The following MACROH2A1 variants were observed in gnomAD, a reference collection of about 807,000 sequenced individuals.
MACROH2A1 encodes the protein macroH2A.1 histone.
Under a neutral mutation model 31.6 loss-of-function variants are expected in MACROH2A1, and 2 were observed. The ratio of observed to expected loss-of-function variants is 0.06; its 90% CI spans 0.03 to 0.20. The LOEUF is 0.20. Among genes scored for constraint, MACROH2A1 ranks in the 10% least tolerant of loss-of-function variants. The probability of loss-of-function intolerance (pLI) is 1.00; values close to 1 mark genes in which losing one functional copy is unlikely to be tolerated. For synonymous variants in MACROH2A1, 169 were observed against 189.6 expected (o/e 0.89, Z 0.89); for missense variants, 230 against 474.0 (o/e 0.49, Z 4.78).
chr5:135,370,238 G>C, intron 2 of MACROH2A1, 96 bp from the exon 3 acceptor site: 5 of 714,414 alleles, frequency 7.0e-6, no homozygotes, highest in Non-Finnish European at 1.2e-5. Context: ...GGCAGAGGCA[G>C]CTGCTTCAGG....
intron 8 of MACROH2A1, among the ~76,000 whole-genome samples, chr5:135,342,613 T>G (rs1561574724): frequency 6.6e-6 from 1 of 152,182 alleles, no homozygotes. Context: ...GTGAAGACCT[T>G]GGTGAGTCTA....
chr5:135,345,610 G>A (rs1199523235), intron 7 of MACROH2A1: 2 of 194,830 alleles, frequency 1.0e-5, no homozygotes, highest in Admixed American at 5.6e-5. Flanking sequence ...ACACACAGAT[G>A]GCTGAAGATT....
intron 8 of MACROH2A1, 142 bp from the exon 9 acceptor site, chr5:135,335,283 C>T (rs748152303): frequency 5.8e-5 from 37 of 636,254 alleles, no homozygotes; most frequent in Middle Eastern, 4.0e-4. Flanking sequence ...TCTGCTTGTA[C>T]GCCAGTGTGG....
intron 5 of MACROH2A1, chr5:135,358,724 G>C (rs994811580): frequency 5.3e-6 from 5 of 936,442 alleles, no homozygotes; most frequent in Admixed American, 6.2e-5. Context: ...ATTTATTATA[G>C]AGTATCAATA....
intron 2 of MACROH2A1, among the ~76,000 whole-genome samples, chr5:135,377,366 A>G (rs1343022756): frequency 6.6e-6 from 1 of 152,248 alleles, no homozygotes; most frequent in African/African-American, 2.4e-5. Flanking sequence ...AACCACAGCC[A>G]TTTGTTCTTA....
intron 4 of MACROH2A1, among the ~76,000 whole-genome samples, chr5:135,366,796 T>G (rs1200049327): frequency 6.6e-6 from 1 of 152,182 alleles, no homozygotes. Context: ...TTATGTAATA[T>G]GCATACGGTT....
At chr5:135,339,335 G>A (rs191522927) in intron 8 of MACROH2A1, among the ~76,000 whole-genome samples, 10 of 152,278 alleles carry the variant, frequency 6.6e-5, no homozygotes, top group African/African-American at 1.9e-4. Context: ...GACACGCAGG[G>A]ACTCTAGGTG....
chr5:135,369,594 C>T lies in MACROH2A1; in HGVS notation c.289G>A (p.Gly97Arg). 1 of 1,613,232 alleles carries T rather than the reference C, an allele frequency of 6.2e-7. No homozygotes were observed. The highest frequency in any genetic ancestry group is 8.5e-7 in the Non-Finnish European group (1 of 1,179,420). ...ACACCCCCACTGGCTATGGTGACTCCTTTTAGCAGCTTTCAGGAAAACCAG... is the reference window on the plus strand; with the variant it reads ...ACACCCCCACTGGCTATGGTGACTCTTTTTAGCAGCTTTCAGGAAAACCAG... ...NDEELNQLLK[G>R]VTIASGGVLP... is the part of the protein sequence containing the mutation. Residue 97 changes from glycine (G) to arginine (R), a missense_variant, in exon 4 of 9, where the codon GGA (glycine) becomes AGA (arginine). Gly to Arg is a moderately radical substitution (Grantham distance 125). Coordinates refer to ENST00000511689, the MANE Select transcript of MACROH2A1 (RefSeq NM_138610.3). The surrounding 1 kb of genome is among the most constrained non-coding windows in gnomAD (Gnocchi z 4.3).
At chr5:135,363,579 T>C (rs571116245) in intron 4 of MACROH2A1, among the ~76,000 whole-genome samples, 1 of 152,358 alleles carries the variant, frequency 6.6e-6, no homozygotes, top group East Asian at 1.9e-4. Flanking sequence ...AGTCTATCAT[T>C]GATGGAAATT....
chr5:135,343,724 G>C (rs1760335865), intron 7 of MACROH2A1: 1 of 432,006 alleles, frequency 2.3e-6, no homozygotes, highest in East Asian at 4.4e-5. Context: ...CCCAGAGGCA[G>C]AGCCTTATCC....
intron 1 of MACROH2A1, among the ~76,000 whole-genome samples, chr5:135,396,522 C>G (rs1427998472): frequency 2.0e-5 from 3 of 152,134 alleles, no homozygotes; most frequent in Non-Finnish European, 4.4e-5. Context: ...GACCTCTGTT[C>G]TTTTCTTCTA....
intron 2 of MACROH2A1, among the ~76,000 whole-genome samples, chr5:135,377,504 G>C (rs887127039): frequency 6.6e-6 from 1 of 152,230 alleles, no homozygotes; most frequent in African/African-American, 2.4e-5. Context: ...TGGACTCAAA[G>C]CGAAAGAGCG....
chr5:135,343,427 G>A lies in MACROH2A1; in HGVS notation c.786C>T (p.Val262=), dbSNP rs1760256748. Residue 262 remains valine, a synonymous_variant, in exon 8 of 9, where the codon GTC becomes GTT. Transcript: ENST00000511689. ...TGGCAGGCAGGCCATGGCCTGCGCT[G>A]ACAGCAGCTAGTGGTGCGGGGATGA... ...NGPLEVAGAA[V]SAGHGLPAKF... is the part of the protein sequence containing the mutation. 2 of 1,614,004 alleles carry A rather than the reference G, an allele frequency of 1.2e-6. No individual in the cohort carries two copies. The highest frequency in any genetic ancestry group is 1.7e-6 in the Non-Finnish European group (2 of 1,179,924).
At chr5:135,341,278 A>AG (rs1759805701) in intron 8 of MACROH2A1, among the ~76,000 whole-genome samples, 1 of 152,228 alleles carries the variant, frequency 6.6e-6, no homozygotes, top group Non-Finnish European at 1.5e-5. Context: ...CACACAGGAT[A>AG]GGAGAGCTGA....
chr5:135,372,724 C>G (rs1026429305), intron 2 of MACROH2A1, among the ~76,000 whole-genome samples: 3 of 152,190 alleles, frequency 2.0e-5, no homozygotes, highest in Non-Finnish European at 2.9e-5. Flanking sequence ...AGTCTAAGCC[C>G]AACAAGAACA....
At chr5:135,341,864 G>A (rs1032155771) in intron 8 of MACROH2A1, among the ~76,000 whole-genome samples, 1 of 152,264 alleles carries the variant, frequency 6.6e-6, no homozygotes, top group Non-Finnish European at 1.5e-5. Context: ...ACAGCCTGCA[G>A]TGTCATAGGC....
In MACROH2A1 at chr5:135,334,884, G is replaced by T. The variant is rs1581086916; in HGVS notation, c.*92C>A. The T allele has an allele frequency of 9.4e-7, 1 of 1,063,564 alleles. No homozygotes were observed. Among genetic ancestry groups the T allele is most frequent in the East Asian group, 2.4e-5 (1 of 41,680 alleles). 65.9% of individuals were successfully genotyped at this position (1,063,564 alleles called of 1,614,324 possible). ...ATGAGCAAAACTGAAAATGAAAGGG[G>T]TCCCACCTCCCAGTAGGAGTGAAGG... On this transcript the variant is annotated 3_prime_UTR_variant, in exon 9 of 9. Transcript: ENST00000511689.
chr5:135,337,963 G>T, intron 8 of MACROH2A1: 1 of 1,211,030 alleles, frequency 8.3e-7, no homozygotes, highest in Non-Finnish European at 1.1e-6. Context: ...ACCCTGCTAT[G>T]GGACTGTGGC....
rs1768285277 is a variant in MACROH2A1, at chr5:135,398,213, A to T, written c.-34+849T>A. On this transcript the variant is annotated intron_variant, in intron 1 of 8. Transcript: ENST00000511689. This position sits in a 1 kb window ranked among gnomAD's most constrained non-coding sequence, Gnocchi z 4.6. ...GGCCCCTGCAGGAGTGGGGGTAGGGAGCGCCATGTCGCACACCTGTTGTCA... is the reference window on the plus strand; with the variant it reads ...GGCCCCTGCAGGAGTGGGGGTAGGGTGCGCCATGTCGCACACCTGTTGTCA... Among the ~76,000 whole-genome samples the T allele has an allele frequency of 6.6e-6, 1 of 151,878 alleles. No homozygotes were observed. Among genetic ancestry groups the T allele is most frequent in the Admixed American group, 6.6e-5 (1 of 15,262 alleles).
Sources: allele counts gnomAD v4.1 joint callset (sites outside exome capture counted in the v4.1 genomes callset), GRCh38; gene constraint gnomAD v4.1.1; non-coding constraint Gnocchi (gnomAD v3.1); transcripts MANE v1.5; gene names NCBI Gene and HGNC (gene_info 2026-07-23, HGNC 2026-07-21).